Variants in VOPP1 observed in about 807,000 individuals in gnomAD.
The protein encoded by VOPP1 is VOPP1 WW domain binding protein, also known as WW domain binding protein VOPP1.
In VOPP1, 8 loss-of-function variants were observed where a neutral mutation model predicts 23.5. That is an observed-to-expected ratio of 0.34 (90% CI 0.20 to 0.61). VOPP1 has a LOEUF of 0.61. VOPP1 is among the 20% of genes least tolerant of loss of function. The pLI, the probability that VOPP1 is intolerant of heterozygous loss-of-function variation, is 0.78. For missense variants in VOPP1, 174 were observed against 238.1 expected (o/e 0.73, Z 1.77); for synonymous variants, 83 against 97.3 (o/e 0.85, Z 0.86).
At chr7:55,525,489 C>CAA (rs535700902) in intron 1 of VOPP1, among the ~76,000 whole-genome samples, 1 of 111,228 alleles carries the variant, frequency 9.0e-6, no homozygotes, top group Non-Finnish European at 1.9e-5. Flanking sequence ...ACTCCGTCTC[C>CAA]AAAAAAAAAA....
intron 2 of VOPP1, among the ~76,000 whole-genome samples, chr7:55,499,680 T>C (rs1206530241): frequency 6.6e-6 from 1 of 151,924 alleles, no homozygotes; most frequent in African/African-American, 2.4e-5. Context: ...GGAGGTGACG[T>C]CTGAAAAGAG....
At chr7:55,557,462 C>CA (rs140308199) in intron 1 of VOPP1, among the ~76,000 whole-genome samples, 325 of 137,826 alleles carry the variant, frequency 2.4e-3, no homozygotes, top group African/African-American at 4.2e-3. Context: ...TAAGATGTTT[C>CA]AAAAAAAAAA....
At chr7:55,510,657 T>G (rs1355304487) in intron 2 of VOPP1, among the ~76,000 whole-genome samples, 2 of 151,024 alleles carry the variant, frequency 1.3e-5, no homozygotes, top group African/African-American at 4.9e-5. Flanking sequence ...CCTGTGTTGG[T>G]GAGACCTGGC....
At chr7:55,485,750 GT>G (rs201933797) in intron 4 of VOPP1, among the ~76,000 whole-genome samples, 1,787 of 152,346 alleles carry the variant, frequency 0.012, 12 homozygotes, top group Middle Eastern at 0.02. Flanking sequence ...GGTTGGACGT[GT>G]TAGGCACAGG....
chr7:55,455,624 A>C (rs1430441022), intron 4 of VOPP1, among the ~76,000 whole-genome samples: 1 of 152,234 alleles, frequency 6.6e-6, no homozygotes, highest in African/African-American at 2.4e-5. Flanking sequence ...AATGGAACAG[A>C]ACAGAGACCT....
In VOPP1 at chr7:55,539,899, G is replaced by GCACACACACACACACACACACACA. The variant is rs60831624; in HGVS notation, c.55-18793_55-18770dup. Among the ~76,000 whole-genome samples the GCACACACACACACACACACACACA allele has an allele frequency of 2.2e-5, 3 of 139,250 alleles. No individual in the cohort carries two copies. In the Admixed American group the frequency reaches 2.2e-4, roughly 10 times the overall value. The allele number at this position is 139,250 out of a possible 152,430, so 91.4% of individuals were successfully genotyped here. On this transcript the variant is annotated intron_variant, in intron 1 of 4. Coordinates refer to ENST00000285279, the MANE Select transcript of VOPP1 (RefSeq NM_030796.5). ...CAAACGGGCGCATAACATAAGCGCT[G>GCACACACACACACACACACACACA]CACACACACACACACACACACACAC...
At chr7:55,482,078 T>C (rs1364455086) in intron 4 of VOPP1, among the ~76,000 whole-genome samples, 5 of 152,334 alleles carry the variant, frequency 3.3e-5, no homozygotes, top group Non-Finnish European at 2.9e-5. Flanking sequence ...GACATGACTA[T>C]TGTATCTTCA....
At chr7:55,491,541 G>A (rs766432136) in intron 4 of VOPP1, among the ~76,000 whole-genome samples, 10 of 152,142 alleles carry the variant, frequency 6.6e-5, no homozygotes, top group Non-Finnish European at 1.3e-4. Flanking sequence ...CTGATGAGCC[G>A]AGCCAGCCCA....
chr7:55,478,196 G>C (rs530580463), intron 4 of VOPP1, among the ~76,000 whole-genome samples: 1 of 152,172 alleles, frequency 6.6e-6, no homozygotes, highest in Non-Finnish European at 1.5e-5. Flanking sequence ...GAGAGATCAC[G>C]GCAAAGACAT....
At chr7:55,549,146 T>C (rs1041765075) in intron 1 of VOPP1, among the ~76,000 whole-genome samples, 11 of 152,130 alleles carry the variant, frequency 7.2e-5, no homozygotes, top group Non-Finnish European at 1.0e-4. Flanking sequence ...GACCAGGTAC[T>C]CCAAATGCGC....
chr7:55,515,749 C>T (rs1795361857), intron 2 of VOPP1, among the ~76,000 whole-genome samples: 2 of 152,218 alleles, frequency 1.3e-5, no homozygotes, highest in South Asian at 4.1e-4. Flanking sequence ...TCCCTGTCAC[C>T]TGATGAGGAG....
At chr7:55,461,222 G>A (rs1355522139) in intron 4 of VOPP1, among the ~76,000 whole-genome samples, 1 of 152,044 alleles carries the variant, frequency 6.6e-6, no homozygotes, top group Non-Finnish European at 1.5e-5. Context: ...AATGGACTTT[G>A]GGGACTCACG....
Position 55,492,268 on chromosome 7 carries a change from C to A in VOPP1, c.328+14G>T. 6.2e-7 allele frequency: 1 copy of A among 1,605,550 alleles called. No individual in the cohort carries two copies. Among genetic ancestry groups the A allele is most frequent in the Non-Finnish European group, 8.5e-7 (1 of 1,175,152 alleles). The stretch of plus-strand genomic sequence containing the variant: ...ACACTGTGGGGAGGAGAGACAAGGA[C>A]AGGGCTGGCTGACCTGGGCCGGGAT... On this transcript the variant is annotated intron_variant, in intron 4 of 4. Coordinates refer to ENST00000285279, the MANE Select transcript of VOPP1 (RefSeq NM_030796.5).
rs547216152 is a variant in VOPP1 at position 55,525,405 on chromosome 7, C to T, written c.55-4275G>A. Reference sequence around the variant, plus strand: ...TCAGGAGACTGAGTCAGGAGAATGGCGTGAACTCGGGAGGCGGAGCTTGCA... The same window carrying T: ...TCAGGAGACTGAGTCAGGAGAATGGTGTGAACTCGGGAGGCGGAGCTTGCA... On this transcript the variant is annotated intron_variant, in intron 1 of 4. Coordinates refer to ENST00000285279, the MANE Select transcript of VOPP1 (RefSeq NM_030796.5). Among the ~76,000 whole-genome samples the T allele has an allele frequency of 2.2e-4, 34 of 151,358 alleles. 1 individual carries two copies. The South Asian group carries it at 6.3e-3, about 28-fold the overall frequency.
chr7:55,560,954 C>T (rs1041378061), intron 1 of VOPP1, among the ~76,000 whole-genome samples: 5 of 152,146 alleles, frequency 3.3e-5, no homozygotes, highest in African/African-American at 7.2e-5. Flanking sequence ...TGCCATCCCG[C>T]GTCAATCCCC....
chr7:55,545,683 A>G (rs1477566287), intron 1 of VOPP1, among the ~76,000 whole-genome samples: 1 of 152,132 alleles, frequency 6.6e-6, no homozygotes, highest in Non-Finnish European at 1.5e-5. Context: ...TGAGCTGAAC[A>G]CTGCCTGCTC....
At chr7:55,438,138 G>A (rs111788175) in intron 4 of VOPP1, among the ~76,000 whole-genome samples, 6,712 of 151,980 alleles carry the variant, frequency 0.044, 465 homozygotes, top group African/African-American at 0.15. Context: ...CAGGTGATTC[G>A]TCTGCCTCGG....
chr7:55,444,714 TC>T (rs1411944039), intron 4 of VOPP1, among the ~76,000 whole-genome samples: 1 of 50,024 alleles, frequency 2.0e-5, no homozygotes, highest in Non-Finnish European at 4.8e-5. Flanking sequence ...TCGTAGAAAC[TC>T]TTTTTTTTTT....
downstream of VOPP1, among the ~76,000 whole-genome samples, chr7:55,467,397 C>G (rs1016599337): frequency 2.6e-5 from 4 of 152,206 alleles, no homozygotes; most frequent in African/African-American, 9.7e-5. Context: ...CTCCCCGGTC[C>G]CTACCACAGC....
Sources: allele counts gnomAD v4.1 joint callset (sites outside exome capture counted in the v4.1 genomes callset), GRCh38; gene constraint gnomAD v4.1.1; transcripts MANE v1.5; gene names NCBI Gene and HGNC (gene_info 2026-07-23, HGNC 2026-07-21).